SPIDR: variants seen among roughly 807,000 people sequenced by gnomAD.
SPIDR encodes the protein DNA repair-scaffolding protein.
A neutral mutation model predicts 104.6 loss-of-function variants in SPIDR; 93 were observed. The ratio of observed to expected loss-of-function variants is 0.89; its 90% confidence interval spans 0.75 to 1.06. The LOEUF is 1.06. Among genes scored for constraint, SPIDR ranks in the 50% least tolerant of loss-of-function variants. The pLI, the probability that SPIDR is intolerant of heterozygous loss-of-function variation, is 0.00. For missense variants in SPIDR, 1,154 were observed against 1,111.2 expected, an observed-to-expected ratio of 1.04 and a Z score of -0.55; for synonymous variants, 431 against 416.9, an observed-to-expected ratio of 1.03 and a Z score of -0.41.
At chr8:47,698,959 A>G (rs757718087) in intron 11 of SPIDR, among the ~76,000 whole-genome samples, 8 of 152,180 alleles carry the variant, frequency 5.3e-5, no homozygotes, top group South Asian at 4.1e-4. Flanking sequence ...GGAAACTCCA[A>G]ATTTTTAGGG....
intron 8 of SPIDR, among the ~76,000 whole-genome samples, chr8:47,521,469 C>T (rs1304352466): frequency 2.7e-5 from 4 of 148,284 alleles, no homozygotes; most frequent in Non-Finnish European, 5.9e-5. Flanking sequence ...CCGAGTCTCA[C>T]TCTGTCAGCA....
At chr8:47,292,882 TGAA>T (rs2040173794) in intron 4 of SPIDR, among the ~76,000 whole-genome samples, 1 of 152,030 alleles carries the variant, frequency 6.6e-6, no homozygotes, top group Non-Finnish European at 1.5e-5. Flanking sequence ...GTCTAATGAA[TGAA>T]GGAGTGAATG....
At chr8:47,660,747 C>T (rs138310836) in intron 10 of SPIDR, among the ~76,000 whole-genome samples, 1 of 152,304 alleles carries the variant, frequency 6.6e-6, no homozygotes, top group Non-Finnish European at 1.5e-5. Context: ...AAATGGTATA[C>T]CCTGTGCCAC....
intron 16 of SPIDR, among the ~76,000 whole-genome samples, chr8:47,723,913 A>G (rs1053084976): frequency 6.6e-6 from 1 of 151,356 alleles, no homozygotes; most frequent in Non-Finnish European, 1.5e-5. Context: ...CCTGTTATGC[A>G]TTTCACTTAC....
chr8:47,333,855 G>GT (rs1157848184), intron 5 of SPIDR, among the ~76,000 whole-genome samples: 1 of 152,164 alleles, frequency 6.6e-6, no homozygotes, highest in African/African-American at 2.4e-5. Flanking sequence ...GACCAGCGTT[G>GT]TATATGAGGT....
rs1208233973 is a variant in SPIDR at position 47,698,007 on chromosome 8, A to G, written c.1686-2396A>G. 3.3e-5 allele frequency: 5 copies of G among 152,176 alleles called. No individual in the cohort carries two copies. The South Asian group carries it at 8.3e-4, about 25-fold the overall frequency. 9.4% of individuals were successfully genotyped at this position (152,176 alleles called of 1,614,324 possible). On this transcript the variant is annotated intron_variant, in intron 11 of 19. Coordinates refer to ENST00000297423, the MANE Select transcript of SPIDR (RefSeq NM_001080394.4). ...TTGTTGTCACAGATTAATGACCTGA[A>G]TTTGTCTGCAGGCTCATTTTATGCA...
At chr8:47,393,677 CCTTTCCTTTCCTTT>C (rs2060883299) in intron 5 of SPIDR, among the ~76,000 whole-genome samples, 1 of 6,836 alleles carries the variant, frequency 1.5e-4, no homozygotes, top group Non-Finnish European at 1.4e-3. Context: ...TTTCCTTTTT[CCTTTCCTTTCCTTT>C]CCTTTCCTTT....
chr8:47,544,122 G>A (rs1389244366), intron 8 of SPIDR, among the ~76,000 whole-genome samples: 2 of 151,556 alleles, frequency 1.3e-5, no homozygotes, highest in South Asian at 2.1e-4. Context: ...GGAGGCTTAG[G>A]GTTTTATTTT....
At chr8:47,529,546 CTG>C (rs2085583222) in intron 8 of SPIDR, among the ~76,000 whole-genome samples, 1 of 152,016 alleles carries the variant, frequency 6.6e-6, no homozygotes, top group Non-Finnish European at 1.5e-5. Context: ...CAGACAAAAA[CTG>C]AGACAATTTG....
chr8:47,414,020 A>C (rs1263030395), intron 7 of SPIDR, among the ~76,000 whole-genome samples: 3 of 152,244 alleles, frequency 2.0e-5, no homozygotes, highest in Non-Finnish European at 2.9e-5. Flanking sequence ...TTTTGAAAAA[A>C]ATCTTACAAA....
intron 1 of SPIDR, among the ~76,000 whole-genome samples, chr8:47,263,324 C>T (rs1273935273): frequency 6.6e-6 from 1 of 152,172 alleles, no homozygotes; most frequent in South Asian, 2.1e-4. Flanking sequence ...TTGCTTGCCC[C>T]TTGGTGGTAA....
chr8:47,721,632 C>T (rs1290464524), intron 16 of SPIDR, among the ~76,000 whole-genome samples: 1 of 152,014 alleles, frequency 6.6e-6, no homozygotes, highest in African/African-American at 2.4e-5. Context: ...CCACCATGCC[C>T]GGCTAATTTT....
intron 5 of SPIDR, among the ~76,000 whole-genome samples, chr8:47,308,131 G>A (rs587670642): frequency 6.6e-6 from 1 of 151,008 alleles, no homozygotes; most frequent in South Asian, 2.1e-4. Context: ...GTGTGATCTC[G>A]GCTCACTGCA....
intron 7 of SPIDR, among the ~76,000 whole-genome samples, chr8:47,426,172 T>G (rs1168475056): frequency 6.6e-6 from 1 of 152,090 alleles, no homozygotes; most frequent in Non-Finnish European, 1.5e-5. Context: ...GAGAGTCACT[T>G]AAACCCGGGA....
chr8:47,358,034 A>G (rs2054908380), intron 5 of SPIDR, among the ~76,000 whole-genome samples: 2 of 152,228 alleles, frequency 1.3e-5, no homozygotes, highest in African/African-American at 2.4e-5. Context: ...CCTGTTAACC[A>G]GTAAATGACT....
chr8:47,574,645 G>A (rs1047687384), intron 8 of SPIDR, among the ~76,000 whole-genome samples: 3 of 151,982 alleles, frequency 2.0e-5, no homozygotes, highest in Non-Finnish European at 4.4e-5. Flanking sequence ...AATTACTTGG[G>A]CGTAGTGGCA....
chr8:47,313,048 A>T (rs1453756734), intron 5 of SPIDR, among the ~76,000 whole-genome samples: 1 of 152,166 alleles, frequency 6.6e-6, no homozygotes, highest in Non-Finnish European at 1.5e-5. Flanking sequence ...ATAGTGTTGG[A>T]AGTTCTGGCC....
intron 11 of SPIDR, among the ~76,000 whole-genome samples, chr8:47,694,065 T>C (rs1439672249): frequency 1.3e-5 from 2 of 152,200 alleles, no homozygotes; most frequent in African/African-American, 4.8e-5. Context: ...CTAAAACTAC[T>C]ATTTTTATGT....
At position 47,405,312 on chromosome 8, in the gene SPIDR, G is replaced by GTATATA. The variant is rs1178995461; in HGVS notation, c.777-2548_777-2547insATATAT. ...GGCACGTGTGTGTGTGTGTGTGTGTGTGTGTGTGTGTATATATGTGTGTGT... is the reference window on the plus strand; with the variant it reads ...GGCACGTGTGTGTGTGTGTGTGTGTGTATATATGTGTGTGTGTATATATGTGTGTGT... On this transcript the variant is annotated intron_variant, in intron 6 of 19. Transcript: ENST00000297423. 1.3e-4 allele frequency among the ~76,000 whole-genome samples: 19 copies of GTATATA among 151,440 alleles called. 1 individual carries two copies. The highest frequency in any genetic ancestry group is 5.3e-4 in the Admixed American group (8 of 15,202).
Sources: allele counts gnomAD v4.1 joint callset (sites outside exome capture counted in the v4.1 genomes callset), GRCh38; gene constraint gnomAD v4.1.1; transcripts MANE v1.5; gene names NCBI Gene and HGNC (gene_info 2026-07-23, HGNC 2026-07-21).